Variants in VAC14 observed in about 807,000 individuals in gnomAD.
The protein encoded by VAC14 is VAC14 component of PIKFYVE complex.
VAC14 carries 47 observed loss-of-function variants against 85.3 expected under a neutral mutation model. That is an observed-to-expected ratio of 0.55 (90% CI 0.44 to 0.70). The LOEUF (loss-of-function observed/expected upper bound fraction) is 0.70, where lower values mean the gene tolerates loss of function less well. Among genes scored for constraint, VAC14 ranks in the 30% least tolerant of loss-of-function variants. VAC14 has a pLI of 0.00. For missense variants in VAC14, 861 were observed against 1,004.3 expected (o/e 0.86, Z 1.93); for synonymous variants, 447 against 430.5 (o/e 1.04, Z -0.47).
chr16:70,764,780 G>C (rs550903218), intron 10 of VAC14, among the ~76,000 whole-genome samples: 1 of 152,292 alleles, frequency 6.6e-6, no homozygotes, highest in East Asian at 1.9e-4. Context: ...GTTCAGAGTA[G>C]CCAACAGGCA....
intron 1 of VAC14, among the ~76,000 whole-genome samples, chr16:70,798,449 T>C (rs2034637505): frequency 6.6e-6 from 1 of 152,224 alleles, no homozygotes; most frequent in Non-Finnish European, 1.5e-5. Context: ...CAATATCCTA[T>C]GTGTACCTGA....
Position 70,764,987 on chromosome 16 carries a change from G to A in VAC14, c.1161-1962C>T, listed in dbSNP as rs2032694414. ...TTGCGTTCTGTTCCACACACTTTTT[G>A]GGCTGGAAGAATCCCCTGGCTAGAG... On this transcript the variant is annotated intron_variant, in intron 10 of 18. Transcript: ENST00000261776. 2.0e-5 allele frequency among the ~76,000 whole-genome samples: 3 copies of A among 152,154 alleles called. 1 individual carries two copies. The South Asian group carries it at 6.2e-4, about 32-fold the overall frequency.
chr16:70,762,118 GTTTT>G lies in VAC14; in HGVS notation c.1371+418_1371+421del. 6.6e-6 allele frequency among the ~76,000 whole-genome samples: 1 copy of G among 150,804 alleles called. No homozygotes were observed. The highest frequency in any genetic ancestry group is 2.4e-5 in the African/African-American group (1 of 41,162). On this transcript the variant is annotated intron_variant, in intron 12 of 18. Transcript: ENST00000261776. The surrounding 1 kb of genome is among the most constrained non-coding windows in gnomAD (Gnocchi z 4.1). ...AAAGTGAGTTTTTTTTTTTGTTTTT[GTTTT>G]TTTGAGACAGGGTCTCACTCTGTCG...
At chr16:70,738,340 CCGGCCTGGGT>C (rs942115315) in intron 13 of VAC14, among the ~76,000 whole-genome samples, 3 of 152,206 alleles carry the variant, frequency 2.0e-5, no homozygotes, top group African/African-American at 7.2e-5. Context: ...CATCTGTGGG[CCGGCCTGGGT>C]CGGCAGGACA....
At chr16:70,795,256 G>A (rs1277167383) in intron 1 of VAC14, among the ~76,000 whole-genome samples, 3 of 152,080 alleles carry the variant, frequency 2.0e-5, no homozygotes, top group African/African-American at 7.2e-5. Context: ...CACGAGGTCA[G>A]GAGATCGGGA....
chr16:70,783,553 A>T lies in VAC14; in HGVS notation c.596T>A (p.Ile199Asn), dbSNP rs1199251389. 2 of 1,613,486 alleles carry T rather than the reference A, an allele frequency of 1.2e-6. No homozygotes were observed. The highest frequency in any genetic ancestry group is 1.7e-6 in the Non-Finnish European group (2 of 1,180,030). The part of the protein sequence containing the change: ...QYARQFIISW[I>N]LVLESVPDIN... ...GTCTGGCACCGACTCCAGAACCAGGATCTGACCAGGGGAAGGGAACAGGAG... is the reference window on the plus strand; with the variant it reads ...GTCTGGCACCGACTCCAGAACCAGGTTCTGACCAGGGGAAGGGAACAGGAG... Residue 199 changes from isoleucine (I) to asparagine (N), a missense_variant and splice_region_variant, in exon 6 of 19, where the codon ATC becomes AAC. Physicochemically the swap from Ile to Asn is moderately radical, Grantham distance 149. Around this residue, in one of 3 missense-constraint regions of VAC14, gnomAD observed 629 missense variants for 703.1 expected, o/e 0.89. Coordinates refer to ENST00000261776, the MANE Select transcript of VAC14 (RefSeq NM_018052.5).
In VAC14 at chr16:70,785,411, C is replaced by T. The variant is rs567571038; in HGVS notation, c.423+291G>A. On this transcript the variant is annotated intron_variant, in intron 3 of 18. Coordinates refer to ENST00000261776, the MANE Select transcript of VAC14 (RefSeq NM_018052.5). Reference sequence around the variant, plus strand: ...CTGGATGATGGCGTCAGCATCATCCCCTTCTACCAGGGAGGCGAGTGTTTC... The same window carrying T: ...CTGGATGATGGCGTCAGCATCATCCTCTTCTACCAGGGAGGCGAGTGTTTC... Among the ~76,000 whole-genome samples, 3 of 152,356 alleles carry T rather than the reference C, an allele frequency of 2.0e-5. No homozygotes were observed. In the South Asian group the frequency reaches 6.2e-4, roughly 32 times the overall value.
intron 18 of VAC14, chr16:70,691,370 C>A: frequency 1.0e-6 from 1 of 985,480 alleles, no homozygotes; most frequent in Non-Finnish European, 1.2e-6. Context: ...GCACCTTCCC[C>A]TCCTGGGTGC....
At chr16:70,707,582 A>C (rs1341352534) in intron 14 of VAC14, among the ~76,000 whole-genome samples, 1 of 152,098 alleles carries the variant, frequency 6.6e-6, no homozygotes, top group East Asian at 1.9e-4. Flanking sequence ...ACAGAAAACG[A>C]AACAGTCTCA....
chr16:70,742,678 C>A (rs182603827), intron 13 of VAC14, among the ~76,000 whole-genome samples: 84 of 152,368 alleles, frequency 5.5e-4, no homozygotes, highest in African/African-American at 1.9e-3. Context: ...AGGTCTCCGG[C>A]TGCCCCTTGA....
At chr16:70,763,059 A>T in intron 10 of VAC14, 34 bp from the exon 11 acceptor site, 1 of 1,613,538 alleles carries the variant, frequency 6.2e-7, no homozygotes, top group Non-Finnish European at 8.5e-7. Context: ...AGCAGAGGTG[A>T]AGCCCACCAT....
chr16:70,742,457 C>A (rs1269304811), intron 13 of VAC14, among the ~76,000 whole-genome samples: 1 of 152,266 alleles, frequency 6.6e-6, no homozygotes, highest in East Asian at 1.9e-4. Context: ...AGGTTGGCCC[C>A]CATGTACTGA....
rs1302638449 is a variant in VAC14, at chr16:70,763,034, A to G, written c.1161-9T>C. Reference sequence around the variant, plus strand: ...CTGGGGCTCTTTCAGTGCTGTGGGTAAGATCGGGAGGGAGAGCAGAGGTGA... The same window carrying G: ...CTGGGGCTCTTTCAGTGCTGTGGGTGAGATCGGGAGGGAGAGCAGAGGTGA... On this transcript the variant is annotated splice_polypyrimidine_tract_variant and intron_variant, in intron 10 of 18. Coordinates refer to ENST00000261776, the MANE Select transcript of VAC14 (RefSeq NM_018052.5). 6.2e-7 allele frequency: 1 copy of G among 1,614,036 alleles called. No homozygotes were observed. Among genetic ancestry groups the G allele is most frequent in the Non-Finnish European group, 8.5e-7 (1 of 1,180,020 alleles).
chr16:70,772,103 A>C lies in VAC14; in HGVS notation c.1160+6T>G. 6.2e-7 allele frequency: 1 copy of C among 1,613,930 alleles called. No homozygotes were observed. Among genetic ancestry groups the C allele is most frequent in the Non-Finnish European group, 8.5e-7 (1 of 1,179,948 alleles). ...ACAAACCTTCTGGCTGAAACAAGCC[A>C]CTTACCTGGCTGCAGTGAAGACACT... On this transcript the variant is annotated splice_donor_region_variant and intron_variant, in intron 10 of 18. Coordinates refer to ENST00000261776, the MANE Select transcript of VAC14 (RefSeq NM_018052.5).
chr16:70,687,680 T>C lies in VAC14; in HGVS notation c.*248A>G, dbSNP rs144050061. ...AGAGGATGAGTGGTCTCTGAGGCTATAGCCCCCCACTGGGTGGGCAGCCAG... is the reference window on the plus strand; with the variant it reads ...AGAGGATGAGTGGTCTCTGAGGCTACAGCCCCCCACTGGGTGGGCAGCCAG... On this transcript the variant is annotated 3_prime_UTR_variant, in exon 19 of 19. Coordinates refer to ENST00000261776, the MANE Select transcript of VAC14 (RefSeq NM_018052.5). 81 of 387,584 alleles carry C rather than the reference T, an allele frequency of 2.1e-4. No homozygotes were observed. Among genetic ancestry groups the C allele is most frequent in the Admixed American group, 7.8e-4 (17 of 21,896 alleles). The allele number at this position is 387,584 out of a possible 1,614,324, so 24.0% of individuals were successfully genotyped here.
intron 14 of VAC14, among the ~76,000 whole-genome samples, chr16:70,717,649 T>C (rs2054195403): frequency 6.6e-6 from 1 of 152,008 alleles, no homozygotes; most frequent in South Asian, 2.1e-4. Flanking sequence ...GTTTGAGTAT[T>C]CATTTTTTTC....
At position 70,762,729 on chromosome 16, in the gene VAC14, C is replaced by T; in HGVS notation, c.1306-124G>A. ...GCACGGACCACTTCCCTCCCCGACACAATGAGGGCTCCTCGCAGCACCTGT... is the reference window on the plus strand; with the variant it reads ...GCACGGACCACTTCCCTCCCCGACATAATGAGGGCTCCTCGCAGCACCTGT... On this transcript the variant is annotated intron_variant, in intron 11 of 18. Transcript: ENST00000261776. The surrounding 1 kb of genome is among the most constrained non-coding windows in gnomAD (Gnocchi z 4.1). The T allele has an allele frequency of 1.3e-6, 2 of 1,492,078 alleles. No individual in the cohort carries two copies. Among genetic ancestry groups the T allele is most frequent in the South Asian group, 2.4e-5 (2 of 83,692 alleles). 92.4% of individuals were successfully genotyped at this position (1,492,078 alleles called of 1,614,324 possible).
intron 12 of VAC14, chr16:70,747,215 C>A (rs2030972222): frequency 6.6e-6 from 1 of 152,096 alleles, no homozygotes; most frequent in Non-Finnish European, 1.5e-5. Context: ...GAGAAGCCAG[C>A]CACAAAGTCC....
Position 70,788,878 on chromosome 16 carries a change from C to T in VAC14, c.105-2513G>A, listed in dbSNP as rs112392452. Among the ~76,000 whole-genome samples, 265 of 152,348 alleles carry T rather than the reference C, an allele frequency of 1.7e-3. 3 individuals are homozygous for T. Among genetic ancestry groups the T allele is most frequent in the African/African-American group, 6.0e-3 (248 of 41,586 alleles). On this transcript the variant is annotated intron_variant, in intron 1 of 18. Coordinates refer to ENST00000261776, the MANE Select transcript of VAC14 (RefSeq NM_018052.5). ...CCAGACCTGCAGCAGCCAAGGGTGCCCACAAATCTGGAACCACACTTCCCT... is the reference window on the plus strand; with the variant it reads ...CCAGACCTGCAGCAGCCAAGGGTGCTCACAAATCTGGAACCACACTTCCCT...
Sources: gnomAD v4.1 joint callset for allele counts (sites outside exome capture counted in the v4.1 genomes callset) on GRCh38, gnomAD v4.1.1 for gene constraint, gnomAD v4.1.1 regional missense constraint, Gnocchi (gnomAD v3.1) non-coding constraint, MANE v1.5 for transcripts, NCBI Gene and HGNC (gene_info 2026-07-23, HGNC 2026-07-21) for gene names.